Variants in SNX29 observed in about 807,000 individuals in gnomAD.
SNX29 encodes the protein sorting nexin 29.
SNX29 carries 78 observed loss-of-function variants against 102.1 expected under a neutral mutation model. The observed-to-expected ratio is 0.76, with a 90% CI of 0.64 to 0.92. The LOEUF (loss-of-function observed/expected upper bound fraction) is 0.92, where lower values mean the gene tolerates loss of function less well. SNX29 is among the 40% of genes least tolerant of loss of function. The pLI, the probability that SNX29 is intolerant of heterozygous loss-of-function variation, is 0.00. For missense variants in SNX29, 1,280 were observed against 1,061.7 expected (o/e 1.21, Z -2.86); for synonymous variants, 580 against 414.5 (o/e 1.40, Z -4.85).
chr16:12,067,794 G>A (rs1024931531), intron 9 of SNX29, among the ~76,000 whole-genome samples: 2 of 152,134 alleles, frequency 1.3e-5, no homozygotes, highest in Non-Finnish European at 2.9e-5. Flanking sequence ...GGCCCAAGAA[G>A]TTTCTTGAGT....
At chr16:12,072,722 G>A (rs1247031204) in intron 10 of SNX29, among the ~76,000 whole-genome samples, 1 of 152,018 alleles carries the variant, frequency 6.6e-6, no homozygotes, top group South Asian at 2.1e-4. Context: ...TCTATTGATT[G>A]GAATAGTTTC....
In SNX29 at chr16:12,397,281, C is replaced by G. The variant is rs544222483; in HGVS notation, c.1900-1165C>G. ...TTGAAGCCTTCAAGACTACTTCAGTCTTTCTTTTTTCACCTTTTAGCTGAC... is the reference window on the plus strand; with the variant it reads ...TTGAAGCCTTCAAGACTACTTCAGTGTTTCTTTTTTCACCTTTTAGCTGAC... On this transcript the variant is annotated intron_variant, in intron 16 of 20. Coordinates refer to ENST00000566228, the MANE Select transcript of SNX29 (RefSeq NM_032167.5). Among the ~76,000 whole-genome samples, 3 of 152,350 alleles carry G rather than the reference C, an allele frequency of 2.0e-5. No homozygotes were observed. In the East Asian group the frequency reaches 5.8e-4, roughly 29 times the overall value.
At chr16:12,491,506 T>C (rs2088543483) in intron 19 of SNX29, among the ~76,000 whole-genome samples, 1 of 36,076 alleles carries the variant, frequency 2.8e-5, no homozygotes, top group Non-Finnish European at 4.9e-5. Context: ...TTGTTGCTGC[T>C]GTTGTTTTTT....
chr16:12,221,991 C>G (rs764756998), intron 14 of SNX29, among the ~76,000 whole-genome samples: 3 of 152,164 alleles, frequency 2.0e-5, no homozygotes, highest in African/African-American at 7.2e-5. Flanking sequence ...TGGAACTGGA[C>G]CTTTCCACGT....
Position 12,571,799 on chromosome 16 carries a change from A to C in SNX29, c.*3170A>C, listed in dbSNP as rs1161711484. The C allele has an allele frequency of 9.8e-7, 1 of 1,016,010 alleles. No homozygotes were observed. The highest frequency in any genetic ancestry group is 1.2e-6 in the Non-Finnish European group (1 of 835,618). 62.9% of individuals were successfully genotyped at this position (1,016,010 alleles called of 1,614,324 possible). ...CTTCTCCGCCACTCTTCCTGCAATC[A>C]GTGTGAAATTCCAGCTTCTTTGATT... On this transcript the variant is annotated 3_prime_UTR_variant, in exon 21 of 21. Coordinates refer to ENST00000566228, the MANE Select transcript of SNX29 (RefSeq NM_032167.5).
chr16:12,169,926 C>G (rs891485970), intron 13 of SNX29, among the ~76,000 whole-genome samples: 2 of 152,000 alleles, frequency 1.3e-5, no homozygotes, highest in Admixed American at 1.3e-4. Flanking sequence ...CAGGGGTGAG[C>G]CACCGTACCT....
At chr16:12,430,358 G>A (rs1444617633) in intron 18 of SNX29, among the ~76,000 whole-genome samples, 2 of 152,216 alleles carry the variant, frequency 1.3e-5, no homozygotes, top group African/African-American at 2.4e-5. Flanking sequence ...ATGACTGTGA[G>A]GTTCCCGGCC....
At chr16:12,217,028 T>G (rs950094192) in intron 14 of SNX29, among the ~76,000 whole-genome samples, 6 of 151,952 alleles carry the variant, frequency 3.9e-5, no homozygotes, top group Non-Finnish European at 7.4e-5. Flanking sequence ...ACCTGCTGGG[T>G]TTCTTTTGTT....
At chr16:12,167,984 C>A (rs1285216010) in intron 13 of SNX29, among the ~76,000 whole-genome samples, 1 of 152,200 alleles carries the variant, frequency 6.6e-6, no homozygotes, top group East Asian at 1.9e-4. Flanking sequence ...TGTTCTGGAA[C>A]CCAAGCTCTC....
chr16:12,391,583 A>T (rs2083530612), intron 16 of SNX29, among the ~76,000 whole-genome samples: 1 of 152,212 alleles, frequency 6.6e-6, no homozygotes, highest in African/African-American at 2.4e-5. Flanking sequence ...ATTTTGCTGT[A>T]CTTTATCATC....
chr16:12,200,140 G>A (rs1454495149), intron 14 of SNX29, among the ~76,000 whole-genome samples: 1 of 152,118 alleles, frequency 6.6e-6, no homozygotes, highest in Non-Finnish European at 1.5e-5. Flanking sequence ...GTACAATGAG[G>A]TTGGTTGACA....
intron 1 of SNX29, 123 bp downstream of exon 1, chr16:11,976,936 C>A: frequency 1.6e-6 from 2 of 1,212,868 alleles, no homozygotes; most frequent in Non-Finnish European, 2.1e-6. Context: ...CCAGTCGCTC[C>A]CTTTTCCAGA....
intron 18 of SNX29, among the ~76,000 whole-genome samples, chr16:12,456,543 C>G (rs1347677747): frequency 6.6e-6 from 1 of 151,196 alleles, no homozygotes; most frequent in African/African-American, 2.4e-5. Flanking sequence ...GTGCATCTGG[C>G]GAAAGTGATG....
chr16:12,289,517 G>A (rs926373368), intron 15 of SNX29, among the ~76,000 whole-genome samples: 9 of 151,990 alleles, frequency 5.9e-5, no homozygotes, highest in African/African-American at 1.7e-4. Flanking sequence ...CGGTGGTGGC[G>A]CTGGGCCCTG....
At chr16:12,014,184 G>C (rs2056772256) in intron 3 of SNX29, among the ~76,000 whole-genome samples, 1 of 152,026 alleles carries the variant, frequency 6.6e-6, no homozygotes, top group Non-Finnish European at 1.5e-5. Context: ...AGATCCCATT[G>C]ACTATTGGCT....
chr16:12,539,740 G>C (rs945608817), intron 20 of SNX29, among the ~76,000 whole-genome samples: 2 of 152,180 alleles, frequency 1.3e-5, no homozygotes, highest in Admixed American at 6.5e-5. Context: ...CAAGGATGCA[G>C]AATATTTCAT....
intron 15 of SNX29, among the ~76,000 whole-genome samples, chr16:12,318,598 C>T (rs1274225073): frequency 3.3e-5 from 5 of 152,102 alleles, no homozygotes; most frequent in African/African-American, 1.2e-4. Flanking sequence ...CCTGGCTGGA[C>T]GCGGTGGCTT....
chr16:12,002,573 A>G (rs1287144127), intron 2 of SNX29, among the ~76,000 whole-genome samples: 1 of 152,150 alleles, frequency 6.6e-6, no homozygotes, highest in Non-Finnish European at 1.5e-5. Context: ...GCCAGTCATG[A>G]CAACTCTGGG....
At position 12,568,398 on chromosome 16, in the gene SNX29, A is replaced by C. The variant is rs995593802; in HGVS notation, c.2319-108A>C. On this transcript the variant is annotated intron_variant, in intron 20 of 20. Transcript: ENST00000566228. Reference sequence around the variant, plus strand: ...GAGGCAGATCCAATGAGCCAGTCACAGTTGCCAATCAGATCCCTCCTGCCC... The same window carrying C: ...GAGGCAGATCCAATGAGCCAGTCACCGTTGCCAATCAGATCCCTCCTGCCC... 4 of 1,435,094 alleles carry C rather than the reference A, an allele frequency of 2.8e-6. No individual in the cohort carries two copies. In the African/African-American group the frequency reaches 4.2e-5, roughly 15 times the overall value. 88.9% of individuals were successfully genotyped at this position (1,435,094 alleles called of 1,614,324 possible).
Sources: allele counts gnomAD v4.1 joint callset (sites outside exome capture counted in the v4.1 genomes callset), GRCh38; gene constraint gnomAD v4.1.1; transcripts MANE v1.5; gene names NCBI Gene and HGNC (gene_info 2026-07-23, HGNC 2026-07-21).